The following CAB39 variants were observed in gnomAD, a reference collection of about 807,000 sequenced individuals.
CAB39 encodes the protein calcium binding protein 39.
CAB39 carries 8 observed loss-of-function variants against 40.0 expected under a neutral mutation model. That is an observed-to-expected ratio of 0.20 (90% CI 0.12 to 0.36). CAB39 has a LOEUF of 0.36. Among genes scored for constraint, CAB39 ranks in the 10% least tolerant of loss-of-function variants. The pLI, the probability that CAB39 is intolerant of heterozygous loss-of-function variation, is 1.00. For missense variants in CAB39, 270 were observed against 401.1 expected (o/e 0.67, Z 2.79); for synonymous variants, 156 against 141.6 (o/e 1.10, Z -0.72).
At chr2:230,783,442 A>AGTTTTGTTTTGTTTTGTTTT (rs57684093) in intron 2 of CAB39, among the ~76,000 whole-genome samples, 6,980 of 148,914 alleles carry the variant, frequency 0.047, 224 homozygotes, top group Middle Eastern at 0.085. Flanking sequence ...GTTCTTGTCT[A>AGTTTTGTTTTGTTTTGTTTT]GTTTTGTTTT....
chr2:230,719,849 C>T (rs1373543838), intron 1 of CAB39, among the ~76,000 whole-genome samples: 1 of 152,142 alleles, frequency 6.6e-6, no homozygotes, highest in Non-Finnish European at 1.5e-5. Context: ...TGCACTGGTT[C>T]CCTCCCCTTT....
rs1296710525 is a variant in CAB39 at position 230,818,317 on chromosome 2, CG to C, written c.838-198del. 11 of 545,236 alleles carry C rather than the reference CG, an allele frequency of 2.0e-5. 1 individual carries two copies. Among genetic ancestry groups the C allele is most frequent in the Admixed American group, 3.5e-5 (1 of 28,646 alleles). The allele number at this position is 545,236 out of a possible 1,614,324, so 33.8% of individuals were successfully genotyped here. A position where few individuals can be genotyped will look rare whatever the true frequency, so the allele number is the denominator to read the frequency against. Reference sequence around the variant, plus strand: ...GGGCTGGCAGAATGAGTTTATCAGTCGTATTTGTGTTAAAACATGTAATTAT... The same window carrying C: ...GGGCTGGCAGAATGAGTTTATCAGTCTATTTGTGTTAAAACATGTAATTAT... On this transcript the variant is annotated intron_variant, in intron 8 of 8. Transcript: ENST00000258418.
intron 1 of CAB39, among the ~76,000 whole-genome samples, chr2:230,754,976 A>C (rs1182002352): frequency 1.3e-5 from 2 of 152,226 alleles, no homozygotes; most frequent in Non-Finnish European, 2.9e-5. Flanking sequence ...ACTTAGAATA[A>C]TAGTCTCCAG....
intron 3 of CAB39, 81 bp downstream of exon 3, chr2:230,791,117 G>A: frequency 1.8e-6 from 2 of 1,084,210 alleles, no homozygotes. Flanking sequence ...TTGGAACATT[G>A]TAAGATTCCT....
chr2:230,772,592 C>A (rs967864808), intron 2 of CAB39, among the ~76,000 whole-genome samples: 3 of 151,596 alleles, frequency 2.0e-5, no homozygotes, highest in Non-Finnish European at 2.9e-5. Flanking sequence ...TCACACCATT[C>A]TCCTGCCTCA....
intron 2 of CAB39, among the ~76,000 whole-genome samples, chr2:230,790,434 T>G (rs1695874311): frequency 6.6e-6 from 1 of 152,188 alleles, no homozygotes; most frequent in Admixed American, 6.5e-5. Flanking sequence ...ACACCTTTTC[T>G]GTGATAAGAC....
chr2:230,758,747 C>T (rs891680844), intron 1 of CAB39, among the ~76,000 whole-genome samples: 1 of 151,952 alleles, frequency 6.6e-6, no homozygotes, highest in Non-Finnish European at 1.5e-5. Context: ...GTGGGGAGCA[C>T]CTTGGGCAGT....
chr2:230,808,362 G>C (rs1276003176), intron 5 of CAB39, among the ~76,000 whole-genome samples: 1 of 152,162 alleles, frequency 6.6e-6, no homozygotes, highest in African/African-American at 2.4e-5. Context: ...AGGGGTGGGG[G>C]ATTCAGCAGT....
intron 2 of CAB39, among the ~76,000 whole-genome samples, chr2:230,769,386 A>G (rs1695444215): frequency 6.6e-6 from 1 of 152,252 alleles, no homozygotes; most frequent in South Asian, 2.1e-4. Context: ...TAGGTAGACC[A>G]GAATGGTACT....
intron 5 of CAB39, among the ~76,000 whole-genome samples, chr2:230,799,403 G>A (rs544277081): frequency 1.5e-4 from 23 of 152,172 alleles, no homozygotes; most frequent in Non-Finnish European, 2.8e-4. Context: ...GGATCATGTC[G>A]ATTAAATGTA....
In CAB39 at chr2:230,788,958, G is replaced by A. The variant is rs149068904; in HGVS notation, c.115-1914G>A. Among the ~76,000 whole-genome samples the A allele has an allele frequency of 2.4e-4, 37 of 152,238 alleles. No homozygotes were observed. In the East Asian group the frequency reaches 3.3e-3, roughly 13 times the overall value. The stretch of plus-strand genomic sequence containing the variant: ...TTTTTATTAAATTTGGAAAACATTC[G>A]TCCATTATGTCTTCAAATAGTTTGT... On this transcript the variant is annotated intron_variant, in intron 2 of 8. Coordinates refer to ENST00000258418, the MANE Select transcript of CAB39 (RefSeq NM_016289.4).
chr2:230,734,393 G>A (rs1205986045), intron 1 of CAB39, among the ~76,000 whole-genome samples: 1 of 152,116 alleles, frequency 6.6e-6, no homozygotes, highest in Non-Finnish European at 1.5e-5. Flanking sequence ...TTCCTGTTCA[G>A]TGTCTAGCTT....
chr2:230,734,916 C>T (rs778628051), intron 1 of CAB39, among the ~76,000 whole-genome samples: 3 of 152,166 alleles, frequency 2.0e-5, no homozygotes, highest in Non-Finnish European at 4.4e-5. Context: ...TGGTCTAAAC[C>T]ACCAATATTT....
At chr2:230,748,830 AAATATATATATATATATATATAT>A (rs1398525272) in intron 1 of CAB39, among the ~76,000 whole-genome samples, 4 of 50,658 alleles carry the variant, frequency 7.9e-5, no homozygotes, top group African/African-American at 4.9e-4. Context: ...AAAAAAAAAA[AAATATATATATATATATATATAT>A]ATATATATAT....
In CAB39 at chr2:230,810,286, G is replaced by A; in HGVS notation, c.591G>A (p.Leu197=). ...AGGATTTACTTACAAGACATAAATTGCTCAGTGCAGAATTTTTGGAACAGC... is the reference window on the plus strand; with the variant it reads ...AGGATTTACTTACAAGACATAAATTACTCAGTGCAGAATTTTTGGAACAGC... ...TFKDLLTRHK[L]LSAEFLEQHY... is the part of the protein sequence containing the mutation. The change falls in exon 6 of 9, where the codon TTG becomes TTA. Residue 197 remains leucine, a synonymous_variant. Coordinates refer to ENST00000258418, the MANE Select transcript of CAB39 (RefSeq NM_016289.4). The A allele has an allele frequency of 6.9e-7, 1 of 1,442,554 alleles. No individual in the cohort carries two copies. The highest frequency in any genetic ancestry group is 9.5e-7 in the Non-Finnish European group (1 of 1,051,984). 89.4% of individuals were successfully genotyped at this position (1,442,554 alleles called of 1,614,324 possible). A position where few individuals can be genotyped will look rare whatever the true frequency, so the allele number is the denominator to read the frequency against.
At chr2:230,818,467 C>A in intron 8 of CAB39, 49 bp from the exon 9 acceptor site, 1 of 1,509,778 alleles carries the variant, frequency 6.6e-7, no homozygotes, top group Non-Finnish European at 9.1e-7. Context: ...TCAGGTGTGG[C>A]TGCGTTTTGT....
At chr2:230,782,169 A>G (rs1695698333) in intron 2 of CAB39, among the ~76,000 whole-genome samples, 1 of 152,196 alleles carries the variant, frequency 6.6e-6, no homozygotes, top group African/African-American at 2.4e-5. Flanking sequence ...CCCGGCCACA[A>G]CCAAGTTTAT....
At chr2:230,753,152 G>A (rs1457353287) in intron 1 of CAB39, among the ~76,000 whole-genome samples, 1 of 152,170 alleles carries the variant, frequency 6.6e-6, no homozygotes, top group Non-Finnish European at 1.5e-5. Flanking sequence ...AAGGGCATTG[G>A]GAGAGAGAAG....
At chr2:230,713,721 G>A (rs1253384398) in intron 1 of CAB39, 1 of 152,300 alleles carries the variant, frequency 6.6e-6, no homozygotes, top group African/African-American at 2.4e-5. Flanking sequence ...GGCGGTCGGA[G>A]CGTTCTGGAG....
Sources: gnomAD v4.1 joint callset for allele counts (sites outside exome capture counted in the v4.1 genomes callset) on GRCh38, gnomAD v4.1.1 for gene constraint, MANE v1.5 for transcripts, NCBI Gene and HGNC (gene_info 2026-07-23, HGNC 2026-07-21) for gene names.